Variants in TNFRSF10A observed in about 807,000 individuals in gnomAD.
The protein encoded by TNFRSF10A is tumor necrosis factor receptor superfamily member 10A.
A neutral mutation model predicts 42.8 loss-of-function variants in TNFRSF10A; 44 were observed. The observed-to-expected ratio is 1.03, with a 90% confidence interval of 0.81 to 1.32. The LOEUF (loss-of-function observed/expected upper bound fraction) is 1.32, where lower values mean the gene tolerates loss of function less well. Among genes scored for constraint, TNFRSF10A ranks in the 40% most tolerant of loss-of-function variants. The pLI, the probability that TNFRSF10A is intolerant of heterozygous loss-of-function variation, is 0.00. For synonymous variants in TNFRSF10A, 259 were observed against 234.2 expected, an observed-to-expected ratio of 1.11 and a Z score of -0.97; for missense variants, 680 against 602.0, an observed-to-expected ratio of 1.13 and a Z score of -1.36.
Position 23,201,939 on chromosome 8 carries a change from T to C in TNFRSF10A, c.518-20A>G. ...CTTCATCTGATGACAGAGTACAAGG[T>C]TTTGGGAATGTGTTTCCCTGACGTG... On this transcript the variant is annotated intron_variant, in intron 3 of 9. Transcript: ENST00000221132. The C allele has an allele frequency of 6.2e-7, 1 of 1,610,334 alleles. No individual in the cohort carries two copies. The highest frequency in any genetic ancestry group is 8.5e-7 in the Non-Finnish European group (1 of 1,177,014).
intron 2 of TNFRSF10A, among the ~76,000 whole-genome samples, chr8:23,210,264 T>C (rs1801076293): frequency 6.6e-6 from 1 of 152,186 alleles, no homozygotes; most frequent in South Asian, 2.1e-4. Context: ...CTAATACAAT[T>C]AGCTTAATAT....
intron 1 of TNFRSF10A, among the ~76,000 whole-genome samples, chr8:23,213,221 T>C (rs1409496131): frequency 6.6e-6 from 1 of 152,034 alleles, no homozygotes; most frequent in Non-Finnish European, 1.5e-5. Flanking sequence ...TGGATTTCTG[T>C]AAAGTTGTTT....
At chr8:23,192,791 G>T (rs1183121270) in intron 9 of TNFRSF10A, among the ~76,000 whole-genome samples, 1 of 152,112 alleles carries the variant, frequency 6.6e-6, no homozygotes, top group Non-Finnish European at 1.5e-5. Flanking sequence ...CCATAGAAAG[G>T]TTTTTTTGAT....
intron 8 of TNFRSF10A, among the ~76,000 whole-genome samples, 186 bp downstream of exon 8, chr8:23,199,080 G>C (rs1800868339): frequency 1.3e-5 from 2 of 152,302 alleles, no homozygotes; most frequent in African/African-American, 4.8e-5. Context: ...GGACAGGACA[G>C]GGACTAAGAA....
chr8:23,223,253 G>A (rs188536390), intron 1 of TNFRSF10A, among the ~76,000 whole-genome samples: 2,131 of 152,160 alleles, frequency 0.014, 24 homozygotes, highest in Non-Finnish European at 0.021. Context: ...TTTTAATAGA[G>A]ACGGGGTTTC....
chr8:23,222,234 A>G (rs1801267828), intron 1 of TNFRSF10A, among the ~76,000 whole-genome samples: 1 of 152,162 alleles, frequency 6.6e-6, no homozygotes, highest in Non-Finnish European at 1.5e-5. Flanking sequence ...CCGAAGTACA[A>G]TTTAGCAATA....
chr8:23,220,506 C>T (rs1268668534), intron 1 of TNFRSF10A, among the ~76,000 whole-genome samples: 1 of 152,170 alleles, frequency 6.6e-6, no homozygotes, highest in Non-Finnish European at 1.5e-5. Flanking sequence ...GCTGTGGCCC[C>T]AGCTCCTTCC....
chr8:23,205,329 G>A lies in TNFRSF10A; in HGVS notation c.404-2568C>T, dbSNP rs1433782932. Among the ~76,000 whole-genome samples the A allele has an allele frequency of 6.6e-5, 10 of 152,246 alleles. No homozygotes were observed. In the East Asian group the frequency reaches 9.6e-4, roughly 15 times the overall value. On this transcript the variant is annotated intron_variant, in intron 2 of 9. Transcript: ENST00000221132. ...TTCCTATCGCTTAGTAATGTCATAA[G>A]TCAATGCGTTACTCAGGTGTTTGTG...
intron 4 of TNFRSF10A, 29 bp from the exon 5 acceptor site, chr8:23,200,789 G>GGGC: frequency 6.9e-7 from 1 of 1,450,382 alleles, no homozygotes; most frequent in Non-Finnish European, 9.6e-7. Context: ...GGAGGGGGGG[G>GGGC]ACTCTTGATG....
At chr8:23,216,057 A>T (rs969872283) in intron 1 of TNFRSF10A, among the ~76,000 whole-genome samples, 1 of 152,076 alleles carries the variant, frequency 6.6e-6, no homozygotes, top group African/African-American at 2.4e-5. Flanking sequence ...ACCTCAGGTG[A>T]ATCGCCTGCC....
At chr8:23,213,294 C>T (rs1484359193) in intron 1 of TNFRSF10A, among the ~76,000 whole-genome samples, 2 of 151,768 alleles carry the variant, frequency 1.3e-5, no homozygotes, top group Non-Finnish European at 2.9e-5. Flanking sequence ...TTTCTTAGTC[C>T]ATCTAAGTAA....
chr8:23,207,368 A>T, intron 2 of TNFRSF10A: 1 of 575,576 alleles, frequency 1.7e-6, no homozygotes. Flanking sequence ...GGGATCATCT[A>T]AACTGAATCC....
intron 1 of TNFRSF10A, chr8:23,224,502 A>C (rs554190535): frequency 1.0e-4 from 55 of 527,358 alleles, no homozygotes; most frequent in Non-Finnish European, 1.7e-4. Flanking sequence ...CGCGCCAGGC[A>C]GCAGCCAACG....
rs757496105 is a variant in TNFRSF10A at position 23,224,796 on chromosome 8, T to C, written c.266A>G (p.His89Arg). The C allele has an allele frequency of 1.9e-6, 3 of 1,568,962 alleles. No individual in the cohort carries two copies. The highest frequency in any genetic ancestry group is 2.3e-5 in the South Asian group (2 of 85,554). The change falls in exon 1 of 10, where the codon CAC becomes CGC. Residue 89 changes from histidine (H) to arginine (R), a missense_variant. Physicochemically the swap from His to Arg is conservative, Grantham distance 29. Coordinates refer to ENST00000221132, the MANE Select transcript of TNFRSF10A (RefSeq NM_003844.4). ...AREASPRLRV[H>R]KTFKFVVVGV... ...GACGACGACAAACTTGAAGGTCTTGTGGACCCGGAGCCGAGGGCTGGCTTC... is the reference window on the plus strand; with the variant it reads ...GACGACGACAAACTTGAAGGTCTTGCGGACCCGGAGCCGAGGGCTGGCTTC...
rs58691757 is a variant in TNFRSF10A at position 23,213,436 on chromosome 8, C to CTTTTTTTTTTTTTTTTT, written c.307-1241_307-1225dup. Among the ~76,000 whole-genome samples, 292 of 68,608 alleles carry CTTTTTTTTTTTTTTTTT rather than the reference C, an allele frequency of 4.3e-3. 32 individuals carry two copies. The highest frequency in any genetic ancestry group is 0.01 in the Middle Eastern group (1 of 98). The allele number at this position is 68,608 out of a possible 152,430, so 45.0% of individuals were successfully genotyped here. ...GCTGGTTTGGGCTTAGTTTGCTCCT[C>CTTTTTTTTTTTTTTTTT]TTTTTTTTTTTTTTTTTTTTTTTTT... On this transcript the variant is annotated intron_variant, in intron 1 of 9. Transcript: ENST00000221132.
Position 23,191,511 on chromosome 8 carries a change from G to C in TNFRSF10A, c.*183C>G, listed in dbSNP as rs935381333. Reference sequence around the variant, plus strand: ...GACGGCATTTCACGATGTTGGTCAGGCTGGTCTTGAACTTCTGACCTCAAG... The same window carrying C: ...GACGGCATTTCACGATGTTGGTCAGCCTGGTCTTGAACTTCTGACCTCAAG... On this transcript the variant is annotated 3_prime_UTR_variant, in exon 10 of 10. Transcript: ENST00000221132. The C allele has an allele frequency of 4.2e-5, 32 of 769,912 alleles. No individual in the cohort carries two copies. The highest frequency in any genetic ancestry group is 5.8e-5 in the Non-Finnish European group (29 of 500,038). The allele number at this position is 769,912 out of a possible 1,614,324, so 47.7% of individuals were successfully genotyped here. A position where few individuals can be genotyped will look rare whatever the true frequency, so the allele number is the denominator to read the frequency against.
intron 4 of TNFRSF10A, 56 bp downstream of exon 4, chr8:23,201,752 T>A: frequency 6.5e-7 from 1 of 1,535,114 alleles, no homozygotes; most frequent in South Asian, 1.1e-5. Flanking sequence ...TTTTTAGGGT[T>A]CCTTGCTTCT....
chr8:23,218,769 A>C (rs1801218245), intron 1 of TNFRSF10A, among the ~76,000 whole-genome samples: 1 of 152,142 alleles, frequency 6.6e-6, no homozygotes, highest in African/African-American at 2.4e-5. Context: ...AGGGTTGCTC[A>C]TCCTCCTGCC....
chr8:23,197,402 C>T lies in TNFRSF10A; in HGVS notation c.1015-198G>A, dbSNP rs112093372. On this transcript the variant is annotated intron_variant, in intron 8 of 9. Coordinates refer to ENST00000221132, the MANE Select transcript of TNFRSF10A (RefSeq NM_003844.4). ...CTGGCATTACCACCTCAGCTCCACC[C>T]GGTCAGATCAGTGGCAACATTAGAT... 8.1e-5 allele frequency: 49 copies of T among 605,678 alleles called. 1 individual carries two copies. The highest frequency in any genetic ancestry group is 5.7e-4 in the African/African-American group (31 of 54,196). 37.5% of individuals were successfully genotyped at this position (605,678 alleles called of 1,614,324 possible).
Sources: gnomAD v4.1 joint callset for allele counts (sites outside exome capture counted in the v4.1 genomes callset) on GRCh38, gnomAD v4.1.1 for gene constraint, MANE v1.5 for transcripts, NCBI Gene and HGNC (gene_info 2026-07-23, HGNC 2026-07-21) for gene names.